Variants in GUCY1A2 observed in about 807,000 individuals in gnomAD.
GUCY1A2 encodes guanylate cyclase soluble subunit alpha-2.
GUCY1A2 carries 27 observed loss-of-function variants against 63.5 expected under a neutral mutation model. The ratio of observed to expected loss-of-function variants is 0.43; its 90% CI spans 0.31 to 0.59. The LOEUF is 0.59. Ranked by LOEUF, GUCY1A2 falls within the 20% of genes least tolerant of loss-of-function variation. GUCY1A2 has a pLI of 0.11. For synonymous variants in GUCY1A2, 364 were observed against 343.5 expected, an observed-to-expected ratio of 1.06 and a Z score of -0.66; for missense variants, 768 against 913.3, an observed-to-expected ratio of 0.84 and a Z score of 2.05.
intron 1 of GUCY1A2, among the ~76,000 whole-genome samples, chr11:107,015,020 C>T (rs1861800804): frequency 6.6e-6 from 1 of 152,166 alleles, no homozygotes. Context: ...TCTACTGGAA[C>T]TTTTTGAGCT....
In GUCY1A2 at chr11:106,790,378, C is replaced by T. The variant is rs552703649; in HGVS notation, c.1693-13796G>A. 1.2e-3 allele frequency among the ~76,000 whole-genome samples: 183 copies of T among 151,424 alleles called. 1 individual carries two copies. Among genetic ancestry groups the T allele is most frequent in the African/African-American group, 4.2e-3 (175 of 41,302 alleles). On this transcript the variant is annotated intron_variant, in intron 5 of 7. Transcript: ENST00000526355. Reference sequence around the variant, plus strand: ...GAATGCTGCCAGGCCTGGGGCTTATCCTTTGGGGCAATGGGCTGCCCTCTG... The same window carrying T: ...GAATGCTGCCAGGCCTGGGGCTTATTCTTTGGGGCAATGGGCTGCCCTCTG...
Position 106,684,194 on chromosome 11 carries a change from C to T in GUCY1A2, c.*3355G>A, listed in dbSNP as rs1398853970. The T allele has an allele frequency of 1.1e-5, 2 of 184,458 alleles. No individual in the cohort carries two copies. The highest frequency in any genetic ancestry group is 2.3e-5 in the Non-Finnish European group (2 of 87,026). The allele number at this position is 184,458 out of a possible 1,614,324, so 11.4% of individuals were successfully genotyped here. On this transcript the variant is annotated 3_prime_UTR_variant, in exon 8 of 8. Transcript: ENST00000526355. ...AACAACATTTGAAGTGCTGAACCTACAGACCCACTCTCAAGTCTCAGGCAT... is the reference window on the plus strand; with the variant it reads ...AACAACATTTGAAGTGCTGAACCTATAGACCCACTCTCAAGTCTCAGGCAT...
chr11:106,690,170 G>A (rs1591231416), intron 7 of GUCY1A2, among the ~76,000 whole-genome samples: 1 of 152,148 alleles, frequency 6.6e-6, no homozygotes, highest in South Asian at 2.1e-4. Context: ...CCATTACTGG[G>A]AATATACCCA....
chr11:106,699,659 G>A (rs929720018), intron 7 of GUCY1A2, among the ~76,000 whole-genome samples: 3 of 152,076 alleles, frequency 2.0e-5, no homozygotes, highest in African/African-American at 7.2e-5. Flanking sequence ...ATACTAGTTA[G>A]GAATGGGACC....
At chr11:106,727,981 C>T (rs917007016) in intron 6 of GUCY1A2, among the ~76,000 whole-genome samples, 1 of 152,196 alleles carries the variant, frequency 6.6e-6, no homozygotes, top group Non-Finnish European at 1.5e-5. Context: ...TGGCTCCCAA[C>T]TTCCCACTAA....
chr11:106,872,267 G>A (rs1291134162), intron 4 of GUCY1A2, among the ~76,000 whole-genome samples: 2 of 152,106 alleles, frequency 1.3e-5, no homozygotes, highest in African/African-American at 4.8e-5. Context: ...TAATCTATGG[G>A]TTTTAAAGTC....
At chr11:106,825,582 T>C (rs183540689) in intron 4 of GUCY1A2, among the ~76,000 whole-genome samples, 1,959 of 151,998 alleles carry the variant, frequency 0.013, 26 homozygotes, top group South Asian at 0.048. Context: ...TATTTTTTCT[T>C]TTGACATAAC....
chr11:106,978,695 G>A lies in GUCY1A2; in HGVS notation c.411C>T (p.Cys137=). 1 of 1,587,894 alleles carries A rather than the reference G, an allele frequency of 6.3e-7. No homozygotes were observed. Among genetic ancestry groups the A allele is most frequent in the Non-Finnish European group, 8.6e-7 (1 of 1,157,110 alleles). ...CTTTGTTGGAGTGGTCTGCATAGGA[G>A]CATCTGTTAGAGATATTGTGGAAAT... is the stretch of plus-strand genomic sequence containing the variant. ...EKNFHNISNR[C]SYADHSNKEE... is the part of the protein sequence containing the mutation. The change falls in exon 3 of 8, where the codon TGC becomes TGT. Residue 137 remains cysteine (C), a synonymous_variant. Transcript: ENST00000526355.
At chr11:106,892,287 T>C (rs1859984963) in intron 4 of GUCY1A2, among the ~76,000 whole-genome samples, 1 of 152,152 alleles carries the variant, frequency 6.6e-6, no homozygotes, top group Non-Finnish European at 1.5e-5. Context: ...ACTATAAATT[T>C]AGGGCCATTT....
intron 4 of GUCY1A2, among the ~76,000 whole-genome samples, chr11:106,837,066 T>C (rs1223006063): frequency 6.6e-6 from 1 of 151,178 alleles, no homozygotes; most frequent in Non-Finnish European, 1.5e-5. Context: ...GTAACAGGGG[T>C]TTGTTGTACA....
intron 1 of GUCY1A2, among the ~76,000 whole-genome samples, chr11:107,004,007 T>G (rs1405201128): frequency 2.0e-5 from 3 of 152,180 alleles, no homozygotes; most frequent in Admixed American, 1.3e-4. Context: ...AGGCCTAGCT[T>G]TCTTATCACA....
intron 7 of GUCY1A2, among the ~76,000 whole-genome samples, chr11:106,690,902 A>G (rs1429782528): frequency 6.6e-6 from 1 of 152,128 alleles, no homozygotes; most frequent in African/African-American, 2.4e-5. Context: ...CAAAACAACT[A>G]AACTAAGAAA....
intron 1 of GUCY1A2, among the ~76,000 whole-genome samples, chr11:107,011,819 T>C (rs143658098): frequency 5.4e-4 from 82 of 150,474 alleles, no homozygotes; most frequent in Non-Finnish European, 1.1e-3. Context: ...AGCCTAGCAA[T>C]TGAACCAATA....
rs1213240778 is a variant in GUCY1A2, at chr11:106,730,092, ATATT to A, written c.1837-21430_1837-21427del. Among the ~76,000 whole-genome samples, 44 of 120,426 alleles carry A rather than the reference ATATT, an allele frequency of 3.7e-4. 1 individual carries two copies. The highest frequency in any genetic ancestry group is 1.4e-3 in the East Asian group (6 of 4,272). The allele number at this position is 120,426 out of a possible 152,430, so 79.0% of individuals were successfully genotyped here. A position where few individuals can be genotyped will look rare whatever the true frequency, so the allele number is the denominator to read the frequency against. On this transcript the variant is annotated intron_variant, in intron 6 of 7. Coordinates refer to ENST00000526355, the MANE Select transcript of GUCY1A2 (RefSeq NM_000855.3). ...TATATATATATATATATATATATATATATTATAGTATATAATATATACTGTTTTT... is the reference window on the plus strand; with the variant it reads ...TATATATATATATATATATATATATAATAGTATATAATATATACTGTTTTT...
At chr11:106,877,483 T>C (rs115319708) in intron 4 of GUCY1A2, among the ~76,000 whole-genome samples, 1 of 151,896 alleles carries the variant, frequency 6.6e-6, no homozygotes, top group Non-Finnish European at 1.5e-5. Context: ...AGCCCAGAAA[T>C]AAGGCCATAC....
rs536959325 is a variant in GUCY1A2 at position 106,679,794 on chromosome 11, C to G, written c.*7755G>C. 4.1e-5 allele frequency: 9 copies of G among 218,320 alleles called. No individual in the cohort carries two copies. The highest frequency in any genetic ancestry group is 1.9e-4 in the South Asian group (1 of 5,400). 13.5% of individuals were successfully genotyped at this position (218,320 alleles called of 1,614,324 possible). A position where few individuals can be genotyped will look rare whatever the true frequency, so the allele number is the denominator to read the frequency against. ...TTCAACCCAGATGTTCTGACACTTTCATTTACCTTAATCATTGTAACCAAG... is the reference window on the plus strand; with the variant it reads ...TTCAACCCAGATGTTCTGACACTTTGATTTACCTTAATCATTGTAACCAAG... On this transcript the variant is annotated 3_prime_UTR_variant, in exon 8 of 8. Coordinates refer to ENST00000526355, the MANE Select transcript of GUCY1A2 (RefSeq NM_000855.3).
rs538390110 is a variant in GUCY1A2 at position 106,677,510 on chromosome 11, G to C, written c.*10039C>G. On this transcript the variant is annotated 3_prime_UTR_variant, in exon 8 of 8. Transcript: ENST00000526355. ...CCAGCAGATAATAAATTCTGCACTG[G>C]GGAGACATCTATGATGTGACAAGTT... 1.5e-4 allele frequency: 32 copies of C among 208,710 alleles called. No individual in the cohort carries two copies. The highest frequency in any genetic ancestry group is 7.0e-4 in the African/African-American group (31 of 44,048). The allele number at this position is 208,710 out of a possible 1,614,324, so 12.9% of individuals were successfully genotyped here.
In GUCY1A2 at chr11:106,810,067, T is replaced by C; in HGVS notation, c.1618A>G (p.Met540Val). The part of the protein sequence containing the change: ...FTAICAQCTP[M>V]QVISMLNELY... ...TCATTCAGCATGCTGATTACTTGCA[T>C]GGGAGTACACTGGGCACATATGGCT... The change falls in exon 5 of 8, where the codon ATG (methionine) becomes GTG (valine). Residue 540 changes from methionine (M) to valine (V), a missense_variant. Met to Val is a conservative substitution (Grantham distance 21). Coordinates refer to ENST00000526355, the MANE Select transcript of GUCY1A2 (RefSeq NM_000855.3). 1 of 1,612,892 alleles carries C rather than the reference T, an allele frequency of 6.2e-7. No homozygotes were observed.
At chr11:106,996,468 G>A (rs1861540382) in intron 1 of GUCY1A2, among the ~76,000 whole-genome samples, 1 of 152,152 alleles carries the variant, frequency 6.6e-6, no homozygotes, top group Non-Finnish European at 1.5e-5. Flanking sequence ...AAAGAACTTA[G>A]CATGAAATTA....
Sources: allele counts gnomAD v4.1 joint callset (sites outside exome capture counted in the v4.1 genomes callset), GRCh38; gene constraint gnomAD v4.1.1; transcripts MANE v1.5; gene names NCBI Gene and HGNC (gene_info 2026-07-23, HGNC 2026-07-21).